Variants in MCC observed in about 807,000 individuals in gnomAD.
The protein encoded by MCC is colorectal mutant cancer protein.
MCC carries 90 observed loss-of-function variants against 116.2 expected under a neutral mutation model. The ratio of observed to expected loss-of-function variants is 0.77; its 90% CI spans 0.65 to 0.92. The LOEUF (loss-of-function observed/expected upper bound fraction) is 0.92. Among genes scored for constraint, MCC ranks in the 40% least tolerant of loss-of-function variants. The pLI is 0.00. For synonymous variants in MCC, 578 were observed against 510.5 expected (o/e 1.13, Z -1.78); for missense variants, 1,516 against 1,312.2 (o/e 1.16, Z -2.40).
chr5:113,191,823 T>G (rs1561444016), intron 3 of MCC, among the ~76,000 whole-genome samples: 1 of 152,166 alleles, frequency 6.6e-6, no homozygotes, highest in Admixed American at 6.5e-5. Context: ...CTTTAACACC[T>G]TGATTTAGGT....
intron 3 of MCC, among the ~76,000 whole-genome samples, chr5:113,218,117 C>CTG (rs1419122428): frequency 8.0e-5 from 1 of 12,578 alleles, no homozygotes; most frequent in African/African-American, 5.9e-4. Flanking sequence ...AGGTGGGAAA[C>CTG]TGGGGGGAGT....
intron 3 of MCC, among the ~76,000 whole-genome samples, chr5:113,235,018 G>T (rs1764077169): frequency 6.6e-6 from 1 of 152,210 alleles, no homozygotes; most frequent in Non-Finnish European, 1.5e-5. Context: ...GATTACCAGT[G>T]ATGCTCCTAA....
intron 2 of MCC, 49 bp downstream of exon 2, chr5:113,384,919 C>G (rs746572260): frequency 1.1e-5 from 17 of 1,602,806 alleles, no homozygotes. Context: ...TGAGAGATCA[C>G]AGGCAAGGCC....
At chr5:113,462,464 AT>A (rs1468645891) in intron 1 of MCC, among the ~76,000 whole-genome samples, 1 of 149,986 alleles carries the variant, frequency 6.7e-6, no homozygotes, top group African/African-American at 2.5e-5. Flanking sequence ...CTTTTAACAC[AT>A]TTAGAAATGT....
At chr5:113,160,009 G>A (rs1434976175) in intron 3 of MCC, among the ~76,000 whole-genome samples, 1 of 152,168 alleles carries the variant, frequency 6.6e-6, no homozygotes, top group African/African-American at 2.4e-5. Flanking sequence ...AGTGGCCCCT[G>A]AATTATTTCT....
rs1751874306 is a variant in MCC, at chr5:113,043,592, G to GCTAGGGACAGCTGAACTAGTTCA, written c.2693_2694insTGAACTAGTTCAGCTGTCCCTAG (p.Arg901ValfsTer31). On this transcript the variant is annotated frameshift_variant, in exon 17 of 19. Transcript: ENST00000408903. LOFTEE classifies it high-confidence loss of function. Reference sequence around the variant, plus strand: ...TCTCGCTGCACGTTGTCCTGAGTTCGGCTAGGGACAGAGCTGGGGAGGCAG... The same window carrying GCTAGGGACAGCTGAACTAGTTCA: ...TCTCGCTGCACGTTGTCCTGAGTTCGCTAGGGACAGCTGAACTAGTTCAGCTAGGGACAGAGCTGGGGAGGCAG... 6.2e-7 allele frequency: 1 copy of GCTAGGGACAGCTGAACTAGTTCA among 1,612,866 alleles called. No individual in the cohort carries two copies.
rs1262392031 is a variant in MCC, at chr5:113,289,616, G to C, written c.627+50903C>G. 2.6e-5 allele frequency among the ~76,000 whole-genome samples: 4 copies of C among 152,118 alleles called. No homozygotes were observed. In the East Asian group the frequency reaches 5.8e-4, roughly 22 times the overall value. ...TCTCGGAACCCAGCTGCCATGCTGA[G>C]AGGAAGCCCAAGCCACATAGGGATG... On this transcript the variant is annotated intron_variant, in intron 3 of 18. Transcript: ENST00000408903.
intron 1 of MCC, among the ~76,000 whole-genome samples, chr5:113,442,958 C>T (rs964502497): frequency 1.3e-4 from 20 of 152,120 alleles, no homozygotes; most frequent in Admixed American, 1.2e-3. Context: ...GTTCTTTTGG[C>T]TTAGGATTGT....
chr5:113,214,647 T>C (rs1462448131), intron 3 of MCC, among the ~76,000 whole-genome samples: 1 of 152,166 alleles, frequency 6.6e-6, no homozygotes, highest in African/African-American at 2.4e-5. Flanking sequence ...ACTCCAACTT[T>C]ACTCACTCAG....
chr5:113,151,058 G>T (rs983852179), intron 4 of MCC, among the ~76,000 whole-genome samples: 1 of 152,140 alleles, frequency 6.6e-6, no homozygotes, highest in African/African-American at 2.4e-5. Flanking sequence ...AAAACAAAAA[G>T]GTAGCCATTC....
intron 14 of MCC, among the ~76,000 whole-genome samples, chr5:113,060,861 C>T (rs1753167130): frequency 6.6e-6 from 1 of 152,164 alleles, no homozygotes; most frequent in Non-Finnish European, 1.5e-5. Flanking sequence ...TGGATAGACT[C>T]TCCTGACACA....
At chr5:113,150,872 G>C (rs937176513) in intron 4 of MCC, among the ~76,000 whole-genome samples, 10 of 152,134 alleles carry the variant, frequency 6.6e-5, no homozygotes, top group African/African-American at 2.4e-4. Context: ...GATCAGCCTG[G>C]ACAACATGGC....
At chr5:113,105,991 C>A (rs1356416117) in intron 6 of MCC, among the ~76,000 whole-genome samples, 12 of 152,168 alleles carry the variant, frequency 7.9e-5, no homozygotes, top group Non-Finnish European at 1.6e-4. Flanking sequence ...CCAATTAAAT[C>A]ACAATCTCTG....
intron 2 of MCC, among the ~76,000 whole-genome samples, chr5:113,362,529 CT>C (rs1166163384): frequency 1.3e-5 from 2 of 151,442 alleles, no homozygotes; most frequent in African/African-American, 2.4e-5. Flanking sequence ...TTCTTTTTTT[CT>C]TTTTTTTGGG....
chr5:113,109,990 T>G (rs1279230291), intron 6 of MCC, among the ~76,000 whole-genome samples: 2 of 152,112 alleles, frequency 1.3e-5, no homozygotes, highest in African/African-American at 4.8e-5. Context: ...TAAAAATCTT[T>G]TTTTTTTCTC....
intron 1 of MCC, among the ~76,000 whole-genome samples, chr5:113,457,831 A>C (rs1771619369): frequency 6.7e-6 from 1 of 149,864 alleles, no homozygotes; most frequent in Non-Finnish European, 1.5e-5. Flanking sequence ...ACCAATCGGC[A>C]CTCTGTATCT....
chr5:113,085,450 A>G (rs1467774770), intron 8 of MCC, 140 bp from the exon 9 acceptor site: 1 of 699,544 alleles, frequency 1.4e-6, no homozygotes, highest in Non-Finnish European at 2.4e-6. Flanking sequence ...GTCCACATAA[A>G]AGTCATTATA....
intron 3 of MCC, among the ~76,000 whole-genome samples, chr5:113,209,542 T>C (rs1561459351): frequency 6.6e-6 from 1 of 152,212 alleles, no homozygotes; most frequent in East Asian, 1.9e-4. Flanking sequence ...GGACGACTTT[T>C]ATGGCTGCAA....
chr5:113,421,437 C>A (rs1770331457), intron 1 of MCC, among the ~76,000 whole-genome samples: 1 of 152,160 alleles, frequency 6.6e-6, no homozygotes, highest in African/African-American at 2.4e-5. Flanking sequence ...TCTTTAATTT[C>A]ATAACATTTC....
Sources: allele counts gnomAD v4.1 joint callset (sites outside exome capture counted in the v4.1 genomes callset), GRCh38; gene constraint gnomAD v4.1.1; transcripts MANE v1.5; gene names NCBI Gene and HGNC (gene_info 2026-07-23, HGNC 2026-07-21).